SLC38A10: variants seen among roughly 807,000 people sequenced by gnomAD.
SLC38A10 encodes solute carrier family 38 member 10, also known as Sodium-coupled neutral amino acid transporter 10.
SLC38A10 carries 53 observed loss-of-function variants against 81.0 expected under a neutral mutation model. The observed-to-expected ratio is 0.65, with a 90% confidence interval of 0.53 to 0.82. The LOEUF is 0.82. SLC38A10 is among the 40% of genes least tolerant of loss of function. The pLI, the probability that SLC38A10 is intolerant of heterozygous loss-of-function variation, is 0.00. For missense variants in SLC38A10, 1,471 were observed against 1,545.0 expected, an observed-to-expected ratio of 0.95 and a Z score of 0.80; for synonymous variants, 665 against 655.3, an observed-to-expected ratio of 1.01 and a Z score of -0.23.
intron 6 of SLC38A10, chr17:81,280,038 A>C (rs2063196212): frequency 2.5e-6 from 1 of 404,204 alleles, no homozygotes; most frequent in African/African-American, 2.1e-5. Flanking sequence ...CGCCGGATTT[A>C]CGCCTCTCTT....
At position 81,283,841 on chromosome 17, in the gene SLC38A10, C is replaced by G. The variant is rs535853008; in HGVS notation, c.264-339G>C. Among the ~76,000 whole-genome samples the G allele has an allele frequency of 7.9e-5, 12 of 151,438 alleles. No homozygotes were observed. The East Asian group carries it at 2.4e-3, about 30-fold the overall frequency. ...AGCCAGGATGGTCTCGATCTCCTGA[C>G]CTCTGTGATCCGCCTGCCTCAGCCT... On this transcript the variant is annotated intron_variant, in intron 3 of 15. Coordinates refer to ENST00000374759, the MANE Select transcript of SLC38A10 (RefSeq NM_001037984.3). The surrounding 1 kb of genome is among the most constrained non-coding windows in gnomAD (Gnocchi z 4.7).
In SLC38A10 at chr17:81,275,566, T is replaced by C. The variant is rs866088516; in HGVS notation, c.912+403A>G. ...GGCTAACACGGTGAAACCCCATCTC[T>C]ACTAAAAATACAAAAATTAGCCGGG... is the stretch of plus-strand genomic sequence containing the variant. On this transcript the variant is annotated intron_variant, in intron 8 of 15. Transcript: ENST00000374759. 6.6e-5 allele frequency among the ~76,000 whole-genome samples: 10 copies of C among 150,728 alleles called. No individual in the cohort carries two copies. In the Middle Eastern group the frequency reaches 0.01, roughly 154 times the overall value.
At chr17:81,249,758 G>C (rs11656141) in intron 14 of SLC38A10, among the ~76,000 whole-genome samples, 2 of 151,910 alleles carry the variant, frequency 1.3e-5, no homozygotes, top group South Asian at 2.1e-4. Flanking sequence ...TGCAGGCAGC[G>C]TCCCCCCTTG....
chr17:81,246,344 C>A lies in SLC38A10; in HGVS notation c.2572G>T (p.Val858Leu), dbSNP rs1321687156. The change falls in exon 16 of 16, where the codon GTG (valine) becomes TTG (leucine). Residue 858 changes from valine to leucine, a missense_variant. Physicochemically the swap from Val to Leu is conservative, Grantham distance 32. This residue lies in a region of SLC38A10 where 751 missense variants were observed against 717.4 expected (regional missense o/e 1.05). Transcript: ENST00000374759. ...TCCCTGGCGGGGTCTGGCACGGGCACCTGCTCCGGGCCCTTGGGGAGCTCC... is the reference window on the plus strand; with the variant it reads ...TCCCTGGCGGGGTCTGGCACGGGCAACTGCTCCGGGCCCTTGGGGAGCTCC... ...VKELPKGPEQ[V>L]PVPDPAREAG... 2 of 1,607,454 alleles carry A rather than the reference C, an allele frequency of 1.2e-6. No individual in the cohort carries two copies. The highest frequency in any genetic ancestry group is 2.2e-5 in the South Asian group (2 of 90,996).
intron 14 of SLC38A10, among the ~76,000 whole-genome samples, chr17:81,248,184 C>A (rs750531266): frequency 2.6e-5 from 4 of 152,108 alleles, no homozygotes; most frequent in Non-Finnish European, 5.9e-5. Context: ...GTCTTGATCT[C>A]CTGACCTCGT....
rs1033011876 is a variant in SLC38A10, at chr17:81,270,166, G to A, written c.1131+752C>T. 1.3e-5 allele frequency among the ~76,000 whole-genome samples: 2 copies of A among 152,218 alleles called. No homozygotes were observed. Among genetic ancestry groups the A allele is most frequent in the African/African-American group, 4.8e-5 (2 of 41,446 alleles). On this transcript the variant is annotated intron_variant, in intron 10 of 15. Coordinates refer to ENST00000374759, the MANE Select transcript of SLC38A10 (RefSeq NM_001037984.3). This position sits in a 1 kb window ranked among gnomAD's most constrained non-coding sequence, Gnocchi z 4.0. ...CTGGGTGCAGGGACAGAGGCCTTGAGCCTGGCTGGGAGTGACGCTGCAGGC... is the reference window on the plus strand; with the variant it reads ...CTGGGTGCAGGGACAGAGGCCTTGAACCTGGCTGGGAGTGACGCTGCAGGC...
intron 6 of SLC38A10, among the ~76,000 whole-genome samples, chr17:81,279,520 G>A (rs565050718): frequency 1.7e-4 from 26 of 152,340 alleles, no homozygotes; most frequent in African/African-American, 5.5e-4. Context: ...AGCACAAGGA[G>A]GGATGTCCCT....
intron 11 of SLC38A10, among the ~76,000 whole-genome samples, chr17:81,256,746 G>A (rs1005997124): frequency 2.0e-4 from 30 of 152,266 alleles, no homozygotes; most frequent in African/African-American, 7.2e-4. Context: ...ATGCTGCCAT[G>A]AGAAAGTATT....
chr17:81,290,803 C>T (rs1216967506), intron 1 of SLC38A10, among the ~76,000 whole-genome samples: 6 of 151,872 alleles, frequency 4.0e-5, no homozygotes, highest in South Asian at 2.1e-4. Context: ...GTCAGGAGAT[C>T]GAGACCCTCC....
chr17:81,252,998 C>G, intron 12 of SLC38A10, 75 bp downstream of exon 12: 1 of 1,547,612 alleles, frequency 6.5e-7, no homozygotes, highest in Non-Finnish European at 8.8e-7. Flanking sequence ...AGAGCCACCC[C>G]GCAGGGTGTC....
Position 81,280,611 on chromosome 17 carries a change from C to T in SLC38A10, c.624G>A (p.Gln208=). Residue 208 remains glutamine (Q), a splice_region_variant and synonymous_variant, in exon 6 of 16, where the codon CAG becomes CAA. Transcript: ENST00000374759. ...ACAGACCACAGCAGGACACTTACGACTGGCAGGCGAAGGACATGCCGAAGA... is the reference window on the plus strand; with the variant it reads ...ACAGACCACAGCAGGACACTTACGATTGGCAGGCGAAGGACATGCCGAAGA... ...IPIFGMSFAC[Q]SQVLPTYDSL... is the part of the protein sequence containing the mutation. The T allele has an allele frequency of 1.2e-6, 2 of 1,612,818 alleles. No homozygotes were observed. The highest frequency in any genetic ancestry group is 1.7e-6 in the Non-Finnish European group (2 of 1,179,586).
At chr17:81,272,755 C>G in intron 8 of SLC38A10, 128 bp from the exon 9 acceptor site, 1 of 557,710 alleles carries the variant, frequency 1.8e-6, no homozygotes, top group Non-Finnish European at 3.0e-6. Flanking sequence ...GCCGCGCACT[C>G]ACCTGGCAGG....
In SLC38A10 at chr17:81,252,480, G is replaced by T; in HGVS notation, c.1660C>A (p.Gln554Lys). The T allele has an allele frequency of 6.2e-7, 1 of 1,613,310 alleles. No individual in the cohort carries two copies. Among genetic ancestry groups the T allele is most frequent in the East Asian group, 2.2e-5 (1 of 44,880 alleles). Residue 554 changes from glutamine (Q) to lysine (K), a missense_variant, in exon 13 of 16, where the codon CAG (glutamine) becomes AAG (lysine). By Grantham distance (53) the Gln-to-Lys change is moderately conservative (BLOSUM62 1). This residue lies in a region of SLC38A10 where 720 missense variants were observed against 827.7 expected (regional missense o/e 0.87). Transcript: ENST00000374759. ...DSEREKQEPE[Q>K]GEVGKRPGQA... The stretch of plus-strand genomic sequence containing the variant: ...CCAGGCCTCTTCCCAACCTCTCCCT[G>T]CTCCGGCTCTTGTTTCTCTCTTTCT...
intron 11 of SLC38A10, among the ~76,000 whole-genome samples, chr17:81,257,188 C>T (rs1447602015): frequency 6.6e-6 from 1 of 152,162 alleles, no homozygotes; most frequent in Non-Finnish European, 1.5e-5. Flanking sequence ...GGTGCCATCT[C>T]GGCTCACTGC....
intron 11 of SLC38A10, among the ~76,000 whole-genome samples, chr17:81,254,871 G>A (rs998592992): frequency 2.0e-5 from 3 of 152,268 alleles, no homozygotes; most frequent in Non-Finnish European, 4.4e-5. Flanking sequence ...TCAATCAAGA[G>A]GGCCTGTCCA....
chr17:81,248,368 C>G (rs1003455666), intron 14 of SLC38A10, among the ~76,000 whole-genome samples: 2 of 152,208 alleles, frequency 1.3e-5, no homozygotes, highest in African/African-American at 4.8e-5. Context: ...TGGGCAGGTC[C>G]TGCGTGATGG....
chr17:81,262,098 C>T (rs867426306), intron 10 of SLC38A10, among the ~76,000 whole-genome samples: 1 of 152,218 alleles, frequency 6.6e-6, no homozygotes, highest in Non-Finnish European at 1.5e-5. Context: ...GGAACTCTCG[C>T]GAGGCTGCCC....
intron 8 of SLC38A10, 75 bp downstream of exon 8, chr17:81,275,894 G>A (rs1036112682): frequency 1.2e-5 from 17 of 1,471,660 alleles, no homozygotes; most frequent in South Asian, 4.1e-5. Flanking sequence ...TCTCTGGTTC[G>A]GGACAGCTGG....
intron 1 of SLC38A10, among the ~76,000 whole-genome samples, chr17:81,291,006 G>A (rs976366051): frequency 2.0e-5 from 3 of 151,848 alleles, no homozygotes; most frequent in East Asian, 1.9e-4. Context: ...ACTCCGCCTC[G>A]AGAAAATAAA....
Sources: allele counts gnomAD v4.1 joint callset (sites outside exome capture counted in the v4.1 genomes callset), GRCh38; gene constraint gnomAD v4.1.1; regional missense constraint gnomAD v4.1.1; non-coding constraint Gnocchi (gnomAD v3.1); transcripts MANE v1.5; gene names NCBI Gene and HGNC (gene_info 2026-07-23, HGNC 2026-07-21).